Variants in RTTN observed in about 807,000 individuals in gnomAD.
The protein encoded by RTTN is rotatin.
Under a neutral mutation model 269.2 loss-of-function variants are expected in RTTN, and 182 were observed. The observed-to-expected ratio is 0.68, with a 90% confidence interval of 0.60 to 0.76. The LOEUF is 0.76. Among genes scored for constraint, RTTN ranks in the 30% least tolerant of loss-of-function variants. The probability of loss-of-function intolerance (pLI) is 0.00; values close to 1 mark genes in which losing one functional copy is unlikely to be tolerated. For missense variants in RTTN, 2,545 were observed against 2,608.6 expected (o/e 0.98, Z 0.53); for synonymous variants, 1,006 against 963.5 (o/e 1.04, Z -0.82).
intron 40 of RTTN, among the ~76,000 whole-genome samples, chr18:70,042,445 T>A (rs1368106966): frequency 2.1e-5 from 3 of 145,956 alleles, no homozygotes; most frequent in Admixed American, 7.0e-5. Flanking sequence ...GCGTGATCTC[T>A]GCTCACTGCA....
chr18:70,166,709 GA>G (rs2060996554), intron 13 of RTTN: 1 of 412,096 alleles, frequency 2.4e-6, no homozygotes, highest in Non-Finnish European at 4.2e-6. Context: ...TTGTAGGCAT[GA>G]CATTTTTGAA....
chr18:70,038,612 A>G (rs2057246404), intron 40 of RTTN, among the ~76,000 whole-genome samples: 1 of 152,194 alleles, frequency 6.6e-6, no homozygotes, highest in Non-Finnish European at 1.5e-5. Context: ...GACACACACA[A>G]ACAAGCCCAG....
rs957906361 is a variant in RTTN, at chr18:70,135,256, C to T, written c.2813G>A (p.Cys938Tyr). Residue 938 changes from cysteine (C) to tyrosine (Y), a missense_variant, in exon 22 of 49, where the codon TGT (cysteine) becomes TAT (tyrosine). By Grantham distance (194) the Cys-to-Tyr change is radical (BLOSUM62 -2). Transcript: ENST00000640769. ...TGCTCCAACTTCAGTCACGACACTA[C>T]AATCTTCATGAAATATTAAGGAAAC... ...FRVSLIFHED[C>Y]SVVTEVGALF... 1.3e-6 allele frequency: 2 copies of T among 1,547,968 alleles called. No individual in the cohort carries two copies. Among genetic ancestry groups the T allele is most frequent in the Middle Eastern group, 1.7e-4 (1 of 5,792 alleles).
chr18:70,092,190 C>A lies in RTTN; in HGVS notation c.4063G>T (p.Gly1355Cys). 1 of 1,612,476 alleles carries A rather than the reference C, an allele frequency of 6.2e-7. No homozygotes were observed. Among genetic ancestry groups the A allele is most frequent in the East Asian group, 2.2e-5 (1 of 44,836 alleles). ...GGAATATGTTCTTCACTATGACTACCCAAAGGCAAGAACCAAAGTGACATC... is the reference window on the plus strand; with the variant it reads ...GGAATATGTTCTTCACTATGACTACACAAAGGCAAGAACCAAAGTGACATC... The part of the protein sequence containing the change: ...EWMSLWFLPL[G>C]SHSEEHIPTQ... Residue 1355 changes from glycine (G) to cysteine (C), a missense_variant, in exon 30 of 49, where the codon GGT becomes TGT. Transcript: ENST00000640769.
At chr18:70,064,336 C>CACA (rs2058074594) in intron 35 of RTTN, among the ~76,000 whole-genome samples, 1 of 61,718 alleles carries the variant, frequency 1.6e-5, no homozygotes, top group African/African-American at 7.7e-5. Flanking sequence ...AGACTGCCTC[C>CACA]AAAAAAAAAA....
At chr18:70,095,216 T>C (rs770397486) in intron 28 of RTTN, among the ~76,000 whole-genome samples, 8 of 152,176 alleles carry the variant, frequency 5.3e-5, no homozygotes, top group Non-Finnish European at 1.2e-4. Context: ...ATGGGTCTCC[T>C]GAATACAGCA....
At chr18:70,079,476 C>T (rs1052482645) in intron 32 of RTTN, among the ~76,000 whole-genome samples, 3 of 152,036 alleles carry the variant, frequency 2.0e-5, no homozygotes, top group Non-Finnish European at 4.4e-5. Flanking sequence ...GTTCAAGGGC[C>T]AGAACAATGA....
At chr18:70,013,763 A>T (rs1338109463) in intron 46 of RTTN, among the ~76,000 whole-genome samples, 1 of 152,140 alleles carries the variant, frequency 6.6e-6, no homozygotes, top group Non-Finnish European at 1.5e-5. Context: ...AATTACAGTG[A>T]GTTGTCAGTT....
chr18:70,046,735 C>T (rs758939040), intron 40 of RTTN, among the ~76,000 whole-genome samples: 10 of 152,180 alleles, frequency 6.6e-5, no homozygotes, highest in Non-Finnish European at 1.2e-4. Flanking sequence ...CTTTGAGGAA[C>T]GCTTCTCCCC....
At chr18:70,131,314 C>T (rs1199190957) in intron 23 of RTTN, 1 of 150,538 alleles carries the variant, frequency 6.6e-6, no homozygotes, top group African/African-American at 2.4e-5. Context: ...CTATTTACTG[C>T]ATAAAATAAT....
At chr18:70,120,956 C>A (rs1035561655) in intron 26 of RTTN, among the ~76,000 whole-genome samples, 5 of 151,894 alleles carry the variant, frequency 3.3e-5, no homozygotes, top group African/African-American at 1.2e-4. Flanking sequence ...GAGGCTGAGG[C>A]AGGAGAATCA....
chr18:70,196,813 A>G (rs927360046), intron 6 of RTTN, among the ~76,000 whole-genome samples, 165 bp from the exon 7 acceptor site: 9 of 152,352 alleles, frequency 5.9e-5, no homozygotes, highest in African/African-American at 2.2e-4. Context: ...ATGACTTGGC[A>G]TAAAGCAAGG....
At chr18:70,042,120 GA>G (rs148218150) in intron 40 of RTTN, among the ~76,000 whole-genome samples, 29 of 142,692 alleles carry the variant, frequency 2.0e-4, no homozygotes, top group African/African-American at 4.4e-4. Flanking sequence ...ATTACATAGC[GA>G]AAAAAAAAAA....
At chr18:70,151,400 TGA>T (rs1023862567) in intron 14 of RTTN, among the ~76,000 whole-genome samples, 1 of 151,478 alleles carries the variant, frequency 6.6e-6, no homozygotes, top group African/African-American at 2.4e-5. Flanking sequence ...CTATTTAAGG[TGA>T]GAGGGGAAAA....
intron 28 of RTTN, among the ~76,000 whole-genome samples, chr18:70,095,777 G>T (rs2058986898): frequency 3.3e-5 from 5 of 151,774 alleles, no homozygotes; most frequent in Admixed American, 1.3e-4. Flanking sequence ...ATGTCTTGGG[G>T]TTGCTCTTCT....
chr18:70,065,248 G>A (rs1340948644), intron 35 of RTTN, among the ~76,000 whole-genome samples: 1 of 139,196 alleles, frequency 7.2e-6, no homozygotes, highest in African/African-American at 2.6e-5. Context: ...TACTGAATAA[G>A]GCTTATATAC....
intron 14 of RTTN, 115 bp from the exon 15 acceptor site, chr18:70,150,848 T>A: frequency 1.4e-6 from 1 of 725,480 alleles, no homozygotes; most frequent in Non-Finnish European, 2.2e-6. Context: ...TCATTGAAAC[T>A]TTTTTTAACA....
chr18:70,111,246 C>T lies in RTTN; in HGVS notation c.3684-1529G>A, dbSNP rs2059457201. 2.6e-5 allele frequency among the ~76,000 whole-genome samples: 4 copies of T among 152,214 alleles called. No individual in the cohort carries two copies. The South Asian group carries it at 8.3e-4, about 32-fold the overall frequency. On this transcript the variant is annotated intron_variant, in intron 27 of 48. Coordinates refer to ENST00000640769, the MANE Select transcript of RTTN (RefSeq NM_173630.4). Reference sequence around the variant, plus strand: ...CTGCCTCCTCAAGTGGGTCCCTGACCCCCGTGTATCCTGACGGGGAGACAC... The same window carrying T: ...CTGCCTCCTCAAGTGGGTCCCTGACTCCCGTGTATCCTGACGGGGAGACAC...
intron 7 of RTTN, among the ~76,000 whole-genome samples, chr18:70,195,835 G>A (rs1241789770): frequency 1.3e-5 from 2 of 152,100 alleles, no homozygotes; most frequent in East Asian, 1.9e-4. Flanking sequence ...CTAAGATCTA[G>A]AATAAAACCA....
Sources: gnomAD v4.1 joint callset for allele counts (sites outside exome capture counted in the v4.1 genomes callset) on GRCh38, gnomAD v4.1.1 for gene constraint, MANE v1.5 for transcripts, NCBI Gene and HGNC (gene_info 2026-07-23, HGNC 2026-07-21) for gene names.